ARHGAP44: variants seen among roughly 807,000 people sequenced by gnomAD.
The protein encoded by ARHGAP44 is rho GTPase-activating protein 44.
ARHGAP44 carries 43 observed loss-of-function variants against 106.8 expected under a neutral mutation model. That is an observed-to-expected ratio of 0.40 (90% CI 0.32 to 0.52). The LOEUF (loss-of-function observed/expected upper bound fraction) is 0.52, where lower values mean the gene tolerates loss of function less well. ARHGAP44 is among the 20% of genes least tolerant of loss of function. The pLI is 0.48. For synonymous variants in ARHGAP44, 439 were observed against 410.3 expected (o/e 1.07, Z -0.85); for missense variants, 866 against 1,050.5 (o/e 0.82, Z 2.43).
At chr17:12,910,278 T>TC (rs34143315) in intron 4 of ARHGAP44, among the ~76,000 whole-genome samples, 1 of 145,420 alleles carries the variant, frequency 6.9e-6, no homozygotes. Flanking sequence ...TTTTTTTTTT[T>TC]CCTCTCTCTA....
rs149304059 is a variant in ARHGAP44 at position 12,840,624 on chromosome 17, G to T, written c.53+50733G>T. ...GAGAGGTATTGGGATGGTTCATCTG[G>T]GCTGAGGAGGTAGAGAAGAGGTGCA... On this transcript the variant is annotated intron_variant, in intron 1 of 20. Coordinates refer to ENST00000379672, the MANE Select transcript of ARHGAP44 (RefSeq NM_014859.6). Among the ~76,000 whole-genome samples, 307 of 151,620 alleles carry T rather than the reference G, an allele frequency of 2.0e-3. 2 individuals are homozygous for T. Among genetic ancestry groups the T allele is most frequent in the South Asian group, 8.9e-3 (43 of 4,814 alleles).
intron 1 of ARHGAP44, among the ~76,000 whole-genome samples, chr17:12,807,360 A>T (rs981208547): frequency 6.6e-6 from 1 of 152,188 alleles, no homozygotes; most frequent in African/African-American, 2.4e-5. Context: ...GGAGAACCAG[A>T]TGTAGAGGAT....
At chr17:12,933,481 G>A (rs1053734155) in intron 7 of ARHGAP44, among the ~76,000 whole-genome samples, 1 of 152,182 alleles carries the variant, frequency 6.6e-6, no homozygotes, top group Non-Finnish European at 1.5e-5. Context: ...TCTTTCAGGA[G>A]CCCATCCAAA....
At chr17:12,828,028 C>CAAAAAAA (rs60301804) in intron 1 of ARHGAP44, among the ~76,000 whole-genome samples, 1 of 73,922 alleles carries the variant, frequency 1.4e-5, no homozygotes. Context: ...CTGGCCATCT[C>CAAAAAAA]AAAAAAAAAA....
intron 13 of ARHGAP44, 45 bp downstream of exon 13, chr17:12,952,626 G>GT (rs758802194): frequency 7.1e-7 from 1 of 1,411,726 alleles, no homozygotes; most frequent in Non-Finnish European, 9.7e-7. Context: ...TTGGGCTTAT[G>GT]TAAGCCTCAG....
intron 1 of ARHGAP44, among the ~76,000 whole-genome samples, chr17:12,794,658 A>G (rs1218681344): frequency 1.3e-5 from 2 of 152,096 alleles, no homozygotes; most frequent in Admixed American, 6.5e-5. Flanking sequence ...GGGAGTGAAG[A>G]CAAAGTTTTG....
At chr17:12,790,050 C>G (rs550691718) in intron 1 of ARHGAP44, 159 bp downstream of exon 1, 1 of 616,680 alleles carries the variant, frequency 1.6e-6, no homozygotes, top group African/African-American at 2.0e-5. Flanking sequence ...GCGACCCCTC[C>G]TCCCTAACTT....
intron 10 of ARHGAP44, among the ~76,000 whole-genome samples, chr17:12,945,074 G>C (rs2038817422): frequency 6.6e-6 from 1 of 151,768 alleles, no homozygotes; most frequent in African/African-American, 2.4e-5. Flanking sequence ...GCAGTTGCAG[G>C]ATCTTGGCTC....
chr17:12,885,024 C>T (rs2036842913), intron 1 of ARHGAP44, among the ~76,000 whole-genome samples: 1 of 152,148 alleles, frequency 6.6e-6, no homozygotes, highest in Admixed American at 6.5e-5. Flanking sequence ...CCTCAGCCTC[C>T]TGAGTAGCTG....
chr17:12,807,629 C>G (rs2034315817), intron 1 of ARHGAP44, among the ~76,000 whole-genome samples: 1 of 152,114 alleles, frequency 6.6e-6, no homozygotes, highest in Admixed American at 6.5e-5. Flanking sequence ...AGACCCATCC[C>G]CATAATTCAG....
rs2036053946 is a variant in ARHGAP44, at chr17:12,860,923, C to T, written c.54-34017C>T. On this transcript the variant is annotated intron_variant, in intron 1 of 20. Transcript: ENST00000379672. The stretch of plus-strand genomic sequence containing the variant: ...GTCACTCTTGGTGCAGTGGTATGAT[C>T]TCAACTCACTGCAACCTCCACCTCC... 1.4e-5 allele frequency among the ~76,000 whole-genome samples: 2 copies of T among 144,600 alleles called. 1 individual carries two copies. Among genetic ancestry groups the T allele is most frequent in the Admixed American group, 1.4e-4 (2 of 14,050 alleles). 94.9% of individuals were successfully genotyped at this position (144,600 alleles called of 152,430 possible). A position where few individuals can be genotyped will look rare whatever the true frequency, so the allele number is the denominator to read the frequency against.
intron 1 of ARHGAP44, among the ~76,000 whole-genome samples, chr17:12,853,335 A>G (rs766913657): frequency 2.0e-5 from 3 of 152,208 alleles, no homozygotes; most frequent in Admixed American, 1.3e-4. Flanking sequence ...GGCATCATCT[A>G]CATTTATAGC....
chr17:12,980,706 T>C (rs1460651418), intron 19 of ARHGAP44, among the ~76,000 whole-genome samples: 2 of 152,164 alleles, frequency 1.3e-5, no homozygotes, highest in East Asian at 3.9e-4. Flanking sequence ...GGCCCAAGAA[T>C]GGCCACACTG....
intron 3 of ARHGAP44, among the ~76,000 whole-genome samples, chr17:12,907,070 A>G (rs2037573032): frequency 6.6e-6 from 1 of 152,180 alleles, no homozygotes; most frequent in South Asian, 2.1e-4. Context: ...CTCCATAAAT[A>G]TTGGATTAGT....
In ARHGAP44 at chr17:12,929,372, T is replaced by C. The variant is rs572255125; in HGVS notation, c.582+326T>C. On this transcript the variant is annotated intron_variant, in intron 7 of 20. Coordinates refer to ENST00000379672, the MANE Select transcript of ARHGAP44 (RefSeq NM_014859.6). The stretch of plus-strand genomic sequence containing the variant: ...ATAAATTCTAGGTGACACAGGACAG[T>C]TGAGAATTTGACCATAGATGAGCCT... 2.1e-4 allele frequency: 41 copies of C among 199,458 alleles called. No homozygotes were observed. The South Asian group carries it at 4.2e-3, about 21-fold the overall frequency. 12.4% of individuals were successfully genotyped at this position (199,458 alleles called of 1,614,324 possible).
chr17:12,933,748 G>A (rs536659555), intron 7 of ARHGAP44, among the ~76,000 whole-genome samples: 7 of 152,180 alleles, frequency 4.6e-5, no homozygotes, highest in East Asian at 1.9e-4. Context: ...ATTTTGCTTC[G>A]TACAGGAGAC....
intron 7 of ARHGAP44, among the ~76,000 whole-genome samples, chr17:12,936,553 A>G (rs2038555365): frequency 6.6e-6 from 1 of 152,170 alleles, no homozygotes; most frequent in African/African-American, 2.4e-5. Context: ...CCTGAATAAT[A>G]TTTCATTGTC....
intron 7 of ARHGAP44, among the ~76,000 whole-genome samples, chr17:12,931,776 G>C (rs752301453): frequency 6.6e-5 from 10 of 151,732 alleles, no homozygotes; most frequent in Non-Finnish European, 1.2e-4. Context: ...TGGGATTACA[G>C]GCATGAGCCA....
intron 1 of ARHGAP44, among the ~76,000 whole-genome samples, chr17:12,802,977 T>A (rs2034162919): frequency 2.0e-5 from 2 of 101,776 alleles, no homozygotes; most frequent in Admixed American, 2.0e-4. Flanking sequence ...ATATTTTTTT[T>A]TTTTTTTTTT....
Sources: allele counts gnomAD v4.1 joint callset (sites outside exome capture counted in the v4.1 genomes callset), GRCh38; gene constraint gnomAD v4.1.1; transcripts MANE v1.5; gene names NCBI Gene and HGNC (gene_info 2026-07-23, HGNC 2026-07-21).